The following FRAS1 variants were observed in gnomAD, a reference collection of about 807,000 sequenced individuals.
FRAS1 encodes the protein Fraser extracellular matrix complex subunit 1.
A neutral mutation model predicts 435.2 loss-of-function variants in FRAS1; 290 were observed. The observed-to-expected ratio is 0.67, with a 90% CI of 0.61 to 0.73. The LOEUF (loss-of-function observed/expected upper bound fraction) is 0.73, where lower values mean the gene tolerates loss of function less well. FRAS1 is among the 30% of genes least tolerant of loss of function. The probability of loss-of-function intolerance (pLI) is 0.00; values close to 1 mark genes in which losing one functional copy is unlikely to be tolerated. For synonymous variants in FRAS1, 1,800 were observed against 1,851.0 expected (o/e 0.97, Z 0.71); for missense variants, 4,860 against 5,001.5 (o/e 0.97, Z 0.85).
intron 26 of FRAS1, 48 bp from the exon 27 acceptor site, chr4:78,379,678 T>A (rs760842409): frequency 1.9e-6 from 3 of 1,558,784 alleles, no homozygotes; most frequent in Admixed American, 2.1e-5. Flanking sequence ...AGTGACCTAA[T>A]TAGTGAAGGT....
rs370180561 is a variant in FRAS1, at chr4:78,450,261, A to G, written c.6385A>G (p.Met2129Val). 5.2e-5 allele frequency: 84 copies of G among 1,613,764 alleles called. No homozygotes were observed. Among genetic ancestry groups the G allele is most frequent in the Non-Finnish European group, 6.9e-5 (81 of 1,179,816 alleles). Reference protein sequence around the residue: ...KEDPGAGRLQMMKHGNLEQIS... With the variant: ...KEDPGAGRLQVMKHGNLEQIS... ...AGATCCTGGTGCAGGGCGCCTGCAG[A>G]TGATGAAGCATGGCAACCTGGAGCA... is the stretch of plus-strand genomic sequence containing the variant. Residue 2129 changes from methionine (M) to valine (V), a missense_variant, in exon 45 of 74, where the codon ATG (methionine) becomes GTG (valine). Physicochemically the swap from Met to Val is conservative, Grantham distance 21. Transcript: ENST00000512123.
At chr4:78,156,826 CTACTACGTCAG>C (rs1262672874) in intron 2 of FRAS1, among the ~76,000 whole-genome samples, 1 of 152,164 alleles carries the variant, frequency 6.6e-6, no homozygotes, top group Non-Finnish European at 1.5e-5. Context: ...TGACTCTCTC[CTACTACGTCAG>C]TTCCAGAAGC....
At position 78,493,859 on chromosome 4, in the gene FRAS1, G is replaced by C. The variant is rs115686527; in HGVS notation, c.8959-2946G>C. Among the ~76,000 whole-genome samples, 1,224 of 152,112 alleles carry C rather than the reference G, an allele frequency of 8.0e-3. 24 individuals are homozygous for C. The highest frequency in any genetic ancestry group is 0.028 in the African/African-American group (1,155 of 41,496). On this transcript the variant is annotated intron_variant, in intron 59 of 73. Coordinates refer to ENST00000512123, the MANE Select transcript of FRAS1 (RefSeq NM_025074.7). Reference sequence around the variant, plus strand: ...AACATGGCTGCACCAGAATTAGTCTGCAACCTCAGTGTATGTCAAAAGTGT... The same window carrying C: ...AACATGGCTGCACCAGAATTAGTCTCCAACCTCAGTGTATGTCAAAAGTGT...
intron 14 of FRAS1, among the ~76,000 whole-genome samples, chr4:78,302,352 G>A (rs1439670131): frequency 2.6e-5 from 4 of 151,054 alleles, no homozygotes; most frequent in African/African-American, 7.3e-5. Context: ...ATGATTTATA[G>A]TCCTTTGGGT....
chr4:78,470,185 C>A, intron 51 of FRAS1, 94 bp downstream of exon 51: 1 of 762,822 alleles, frequency 1.3e-6, no homozygotes, highest in Non-Finnish European at 2.2e-6. Flanking sequence ...CAGTTCAGCT[C>A]ACCTGTTTAT....
chr4:78,118,952 T>TC (rs1442521138), intron 2 of FRAS1, among the ~76,000 whole-genome samples: 1 of 152,222 alleles, frequency 6.6e-6, no homozygotes, highest in Non-Finnish European at 1.5e-5. Flanking sequence ...TATTCAGCCA[T>TC]CTTGGCTCCA....
chr4:78,539,878 C>T (rs972347052), intron 73 of FRAS1, among the ~76,000 whole-genome samples: 3 of 152,190 alleles, frequency 2.0e-5, no homozygotes, highest in African/African-American at 4.8e-5. Context: ...TGAACATGAA[C>T]TTTCAAGATG....
intron 2 of FRAS1, among the ~76,000 whole-genome samples, chr4:78,086,841 G>A (rs1353244896): frequency 1.3e-5 from 2 of 152,068 alleles, no homozygotes; most frequent in Non-Finnish European, 2.9e-5. Flanking sequence ...TTCTACCAGA[G>A]GTACAAGGAG....
intron 2 of FRAS1, among the ~76,000 whole-genome samples, chr4:78,130,885 C>T (rs1719650576): frequency 6.6e-6 from 1 of 152,136 alleles, no homozygotes; most frequent in South Asian, 2.1e-4. Flanking sequence ...GCAGGGAAAG[C>T]CCAAATATAA....
intron 2 of FRAS1, among the ~76,000 whole-genome samples, chr4:78,098,276 CTTT>C (rs5859606): frequency 3.0e-5 from 4 of 132,750 alleles, no homozygotes; most frequent in African/African-American, 2.8e-5. Flanking sequence ...TAGATCTTTT[CTTT>C]TTTTTTTTTT....
intron 14 of FRAS1, among the ~76,000 whole-genome samples, chr4:78,286,873 T>A (rs544346613): frequency 6.6e-6 from 1 of 152,274 alleles, no homozygotes; most frequent in Non-Finnish European, 1.5e-5. Context: ...ATAATATAAT[T>A]TAATTTGTTT....
At chr4:78,469,934 G>C (rs762693179) in intron 50 of FRAS1, 44 bp from the exon 51 acceptor site, 7 of 1,399,034 alleles carry the variant, frequency 5.0e-6, no homozygotes, top group Non-Finnish European at 7.1e-6. Flanking sequence ...ACATACTTCA[G>C]GTACTTGTGA....
At chr4:78,212,416 G>A (rs1170030221) in intron 2 of FRAS1, among the ~76,000 whole-genome samples, 1 of 152,138 alleles carries the variant, frequency 6.6e-6, no homozygotes, top group Non-Finnish European at 1.5e-5. Context: ...TTAAGAAAGG[G>A]AGAGGCTGGT....
chr4:78,482,032 C>A, intron 57 of FRAS1, 68 bp downstream of exon 57: 1 of 1,498,956 alleles, frequency 6.7e-7, no homozygotes, highest in Non-Finnish European at 9.1e-7. Flanking sequence ...CTTTAGTTTG[C>A]TTCCCAAGCT....
chr4:78,471,382 A>G (rs1719704065), intron 51 of FRAS1, among the ~76,000 whole-genome samples: 1 of 152,184 alleles, frequency 6.6e-6, no homozygotes, highest in Non-Finnish European at 1.5e-5. Flanking sequence ...AAAAACAAAC[A>G]AACATGAATT....
chr4:78,319,289 A>T, intron 18 of FRAS1: 1 of 518,952 alleles, frequency 1.9e-6, no homozygotes, highest in Middle Eastern at 3.0e-4. Flanking sequence ...CAAAAGACTC[A>T]GAGCTCATTG....
At chr4:78,484,099 C>A (rs1483297915) in intron 58 of FRAS1, among the ~76,000 whole-genome samples, 1 of 151,934 alleles carries the variant, frequency 6.6e-6, no homozygotes, top group Admixed American at 6.6e-5. Context: ...TGTTTTCTGG[C>A]CCTAAAGTTG....
intron 6 of FRAS1, among the ~76,000 whole-genome samples, chr4:78,261,176 C>A (rs1304724512): frequency 6.6e-6 from 1 of 151,842 alleles, no homozygotes; most frequent in East Asian, 1.9e-4. Flanking sequence ...GATAATTTTG[C>A]TTTAATTAAG....
At chr4:78,188,751 G>T (rs1265137589) in intron 2 of FRAS1, among the ~76,000 whole-genome samples, 1 of 152,134 alleles carries the variant, frequency 6.6e-6, no homozygotes, top group Non-Finnish European at 1.5e-5. Context: ...ATTTTATATG[G>T]ACTCTGTAAA....
Sources: gnomAD v4.1 joint callset for allele counts (sites outside exome capture counted in the v4.1 genomes callset) on GRCh38, gnomAD v4.1.1 for gene constraint, MANE v1.5 for transcripts, NCBI Gene and HGNC (gene_info 2026-07-23, HGNC 2026-07-21) for gene names.